Variants in THADA observed in about 807,000 individuals in gnomAD.
THADA encodes the protein tRNA (32-2'-O)-methyltransferase regulator THADA.
THADA carries 213 observed loss-of-function variants against 219.8 expected under a neutral mutation model. The observed-to-expected ratio is 0.97, with a 90% CI of 0.87 to 1.09. The LOEUF (loss-of-function observed/expected upper bound fraction) is 1.09. Among genes scored for constraint, THADA ranks in the 50% least tolerant of loss-of-function variants. The probability of loss-of-function intolerance (pLI) is 0.00; values close to 1 mark genes in which losing one functional copy is unlikely to be tolerated. For synonymous variants in THADA, 1,018 were observed against 828.9 expected, an observed-to-expected ratio of 1.23 and a Z score of -3.92; for missense variants, 2,956 against 2,311.3, an observed-to-expected ratio of 1.28 and a Z score of -5.72.
chr2:43,508,596 T>G, intron 23 of THADA, 52 bp downstream of exon 23: 1 of 1,582,200 alleles, frequency 6.3e-7, no homozygotes, highest in Non-Finnish European at 8.6e-7. Flanking sequence ...TAGGATACAC[T>G]ATCATCAAAA....
intron 25 of THADA, among the ~76,000 whole-genome samples, chr2:43,485,847 C>G (rs1035671746): frequency 6.7e-6 from 1 of 149,710 alleles, no homozygotes; most frequent in Non-Finnish European, 1.5e-5. Context: ...CTGGGCAATA[C>G]AGTAAGACCC....
intron 36 of THADA, among the ~76,000 whole-genome samples, chr2:43,262,917 T>C (rs947031735): frequency 1.3e-5 from 2 of 152,224 alleles, no homozygotes; most frequent in Non-Finnish European, 2.9e-5. Flanking sequence ...ACCACTGCTC[T>C]TGAGACTGGC....
rs745868175 is a variant in THADA, at chr2:43,587,021, A to C, written c.303-19T>G. ...TAGTGAGCTAGAAAAAGAAACAAAT[A>C]TTAAAAATCTGACAATCTAATAGCC... On this transcript the variant is annotated intron_variant, in intron 4 of 37. Transcript: ENST00000405975. 3 of 1,607,336 alleles carry C rather than the reference A, an allele frequency of 1.9e-6. No individual in the cohort carries two copies. In the Admixed American group the frequency reaches 5.1e-5, roughly 27 times the overall value.
intron 26 of THADA, among the ~76,000 whole-genome samples, chr2:43,446,612 T>C (rs1681591890): frequency 6.6e-6 from 1 of 152,322 alleles, no homozygotes; most frequent in Non-Finnish European, 1.5e-5. Context: ...GAAGAAGGAC[T>C]GCCCAGCTAA....
chr2:43,446,252 T>A (rs955104037), intron 26 of THADA, among the ~76,000 whole-genome samples: 44 of 152,356 alleles, frequency 2.9e-4, no homozygotes, highest in African/African-American at 1.0e-3. Context: ...CCAAAGATGG[T>A]CAACAAACTT....
intron 24 of THADA, among the ~76,000 whole-genome samples, chr2:43,501,350 T>G (rs1175571219): frequency 7.1e-6 from 1 of 141,796 alleles, no homozygotes; most frequent in Admixed American, 7.0e-5. Context: ...GAGAGACTTT[T>G]ATGGGAATTA....
intron 28 of THADA, among the ~76,000 whole-genome samples, chr2:43,424,895 C>T (rs1678215191): frequency 6.6e-6 from 1 of 152,110 alleles, no homozygotes; most frequent in South Asian, 2.1e-4. Context: ...GTCACTTTTC[C>T]TACAGGAAAA....
chr2:43,368,598 A>G (rs1670443570), intron 29 of THADA, among the ~76,000 whole-genome samples: 1 of 150,894 alleles, frequency 6.6e-6, no homozygotes, highest in Non-Finnish European at 1.5e-5. Flanking sequence ...GGGTCTCACT[A>G]TGTTTCCCAG....
intron 35 of THADA, among the ~76,000 whole-genome samples, chr2:43,282,885 C>A (rs1673529994): frequency 6.6e-6 from 1 of 152,180 alleles, no homozygotes; most frequent in Non-Finnish European, 1.5e-5. Flanking sequence ...GTACAACATG[C>A]TGGAAACCAG....
intron 30 of THADA, among the ~76,000 whole-genome samples, chr2:43,327,828 C>A (rs560275127): frequency 5.3e-5 from 8 of 152,294 alleles, no homozygotes; most frequent in African/African-American, 1.9e-4. Context: ...TTCTAATGAT[C>A]CAGACAACTA....
chr2:43,566,628 G>C (rs778151503), intron 15 of THADA, 70 bp downstream of exon 15: 2 of 1,537,236 alleles, frequency 1.3e-6, no homozygotes, highest in East Asian at 2.3e-5. Flanking sequence ...TTCAAATAAA[G>C]CAAAATGTAG....
chr2:43,235,601 T>G (rs1237803018), intron 36 of THADA, among the ~76,000 whole-genome samples: 1 of 152,068 alleles, frequency 6.6e-6, no homozygotes, highest in Non-Finnish European at 1.5e-5. Context: ...CTCCCACCAC[T>G]TTTTTTATGG....
chr2:43,544,714 T>C (rs374795714), intron 20 of THADA, among the ~76,000 whole-genome samples: 4 of 147,844 alleles, frequency 2.7e-5, no homozygotes, highest in South Asian at 2.2e-4. Context: ...GTGATTTTTG[T>C]ACATTGATTT....
rs1205622605 is a variant in THADA at position 43,556,451 on chromosome 2, G to C, written c.2568C>G (p.Ile856Met). 1.2e-6 allele frequency: 2 copies of C among 1,613,912 alleles called. No homozygotes were observed. Among genetic ancestry groups the C allele is most frequent in the South Asian group, 1.1e-5 (1 of 91,074 alleles). ...AGGATGACGGTAGAGCATCCTGCCA[G>C]ATTAAGAAGTTCAGCAGGTAGGAAG... ...VTASYLLNFL[I>M]WQDALPSSLS... The change falls in exon 17 of 38, where the codon ATC (isoleucine) becomes ATG (methionine). Residue 856 changes from isoleucine to methionine, a missense_variant. Physicochemically the swap from Ile to Met is conservative, Grantham distance 10. Coordinates refer to ENST00000405975, the MANE Select transcript of THADA (RefSeq NM_022065.5).
At chr2:43,410,372 G>T (rs1299810252) in intron 28 of THADA, among the ~76,000 whole-genome samples, 1 of 152,174 alleles carries the variant, frequency 6.6e-6, no homozygotes, top group Non-Finnish European at 1.5e-5. Context: ...CAGCTCACCT[G>T]TTCAATTCCT....
chr2:43,495,916 G>A (rs946229135), intron 25 of THADA, among the ~76,000 whole-genome samples: 18 of 152,160 alleles, frequency 1.2e-4, no homozygotes, highest in Admixed American at 9.8e-4. Flanking sequence ...GAGTAGTTAT[G>A]CAATGCTCTT....
chr2:43,517,983 C>G (rs538271911), intron 22 of THADA, among the ~76,000 whole-genome samples: 5 of 152,198 alleles, frequency 3.3e-5, no homozygotes, highest in Non-Finnish European at 5.9e-5. Context: ...GGTGCTGCTT[C>G]TTGCCATTCA....
intron 28 of THADA, among the ~76,000 whole-genome samples, chr2:43,422,135 T>A (rs1667071910): frequency 6.6e-6 from 1 of 152,238 alleles, no homozygotes; most frequent in Non-Finnish European, 1.5e-5. Flanking sequence ...CTTTTGCTGA[T>A]GGGCAAACTC....
intron 25 of THADA, among the ~76,000 whole-genome samples, chr2:43,491,654 C>T (rs1396730450): frequency 1.3e-5 from 2 of 152,086 alleles, no homozygotes; most frequent in Admixed American, 6.5e-5. Context: ...CAGTTTGTAG[C>T]CTAGGAATAA....
Sources: gnomAD v4.1 joint callset for allele counts (sites outside exome capture counted in the v4.1 genomes callset) on GRCh38, gnomAD v4.1.1 for gene constraint, MANE v1.5 for transcripts, NCBI Gene and HGNC (gene_info 2026-07-23, HGNC 2026-07-21) for gene names.